Variants in SYT1 observed in about 807,000 individuals in gnomAD.
SYT1 encodes the protein synaptotagmin 1.
Under a neutral mutation model 44.8 loss-of-function variants are expected in SYT1, and 8 were observed. The observed-to-expected ratio is 0.18, with a 90% CI of 0.10 to 0.32. The LOEUF is 0.32. Ranked by LOEUF, SYT1 falls within the 10% of genes least tolerant of loss-of-function variation. The pLI is 1.00. For missense variants in SYT1, 286 were observed against 509.3 expected (o/e 0.56, Z 4.22); for synonymous variants, 154 against 188.8 (o/e 0.82, Z 1.51).
intron 8 of SYT1, among the ~76,000 whole-genome samples, 172 bp downstream of exon 8, chr12:79,299,723 T>G (rs1481175408): frequency 6.8e-6 from 1 of 147,312 alleles, no homozygotes; most frequent in Admixed American, 6.8e-5. Flanking sequence ...AGTGTACAGG[T>G]CTTCTGGGTG....
rs140553890 is a variant in SYT1, at chr12:79,159,230, G to A, written c.-17-58273G>A. 5.1e-3 allele frequency among the ~76,000 whole-genome samples: 771 copies of A among 152,236 alleles called. 7 individuals are homozygous for A. Among genetic ancestry groups the A allele is most frequent in the African/African-American group, 0.017 (711 of 41,550 alleles). On this transcript the variant is annotated intron_variant, in intron 3 of 10. Transcript: ENST00000261205. ...GGATTCTCTCCAAATTATAGAAAACGCAAAATGTAGAAATTAGGTAGGTTT... is the reference window on the plus strand; with the variant it reads ...GGATTCTCTCCAAATTATAGAAAACACAAAATGTAGAAATTAGGTAGGTTT...
intron 3 of SYT1, among the ~76,000 whole-genome samples, chr12:79,120,683 T>C (rs924423952): frequency 2.0e-5 from 3 of 152,040 alleles, no homozygotes; most frequent in Admixed American, 6.5e-5. Flanking sequence ...TATGAAAATG[T>C]ATGTTTATCA....
intron 9 of SYT1, among the ~76,000 whole-genome samples, chr12:79,425,729 G>T (rs1040060922): frequency 2.0e-5 from 3 of 152,094 alleles, no homozygotes; most frequent in Non-Finnish European, 4.4e-5. Flanking sequence ...TAACTCCAAA[G>T]AGTCTAGCAC....
intron 2 of SYT1, among the ~76,000 whole-genome samples, chr12:79,026,702 T>TATATATATATATATATATATATATAAAA (rs34140383): frequency 1.4e-4 from 18 of 125,300 alleles, no homozygotes; most frequent in East Asian, 2.6e-4. Context: ...TATATATATA[T>TATATATATATATATATATATATATAAAA]CACACTTTCA....
At chr12:79,394,037 G>A (rs1004725021) in intron 9 of SYT1, 3 of 152,254 alleles carry the variant, frequency 2.0e-5, no homozygotes, top group African/African-American at 7.2e-5. Context: ...CAGCTGCTAT[G>A]TCAATTTACA....
intron 3 of SYT1, among the ~76,000 whole-genome samples, chr12:79,066,096 GCACA>G (rs1402406789): frequency 1.2e-4 from 18 of 151,766 alleles, no homozygotes; most frequent in Non-Finnish European, 2.9e-5. Flanking sequence ...AAAAAGACAT[GCACA>G]CACAGTCTAC....
At chr12:79,411,141 T>TG (rs1277422465) in intron 9 of SYT1, among the ~76,000 whole-genome samples, 1 of 152,184 alleles carries the variant, frequency 6.6e-6, no homozygotes, top group Non-Finnish European at 1.5e-5. Context: ...AAAGCTGACA[T>TG]GGGGTCTTCA....
intron 9 of SYT1, among the ~76,000 whole-genome samples, chr12:79,408,554 C>G (rs1434734621): frequency 1.3e-5 from 2 of 152,076 alleles, no homozygotes; most frequent in African/African-American, 2.4e-5. Flanking sequence ...AGAAGTCTTC[C>G]TCACAGGCTT....
intron 2 of SYT1, among the ~76,000 whole-genome samples, chr12:78,999,127 G>A (rs535341359): frequency 6.6e-6 from 1 of 152,168 alleles, no homozygotes; most frequent in African/African-American, 2.4e-5. Flanking sequence ...AATTCAAATA[G>A]GAAGCTCTGA....
chr12:79,086,177 C>CCATCAT (rs937670122), intron 3 of SYT1, among the ~76,000 whole-genome samples: 1 of 151,944 alleles, frequency 6.6e-6, no homozygotes, highest in African/African-American at 2.4e-5. Context: ...TTTACCATCA[C>CCATCAT]CATCATCATC....
intron 3 of SYT1, among the ~76,000 whole-genome samples, chr12:79,212,153 C>T (rs561449575): frequency 6.6e-6 from 1 of 152,176 alleles, no homozygotes; most frequent in African/African-American, 2.4e-5. Context: ...AAATGTGGCA[C>T]ATATACACCA....
chr12:79,248,035 T>A (rs1367733118), intron 4 of SYT1, among the ~76,000 whole-genome samples: 1 of 152,214 alleles, frequency 6.6e-6, no homozygotes, highest in Non-Finnish European at 1.5e-5. Flanking sequence ...AGTCAAATTT[T>A]AAAGTTAACT....
At chr12:79,061,769 G>T (rs886618487) in intron 3 of SYT1, among the ~76,000 whole-genome samples, 1 of 152,108 alleles carries the variant, frequency 6.6e-6, no homozygotes, top group South Asian at 2.1e-4. Context: ...ATTTTAATTA[G>T]TAAAGAATTT....
At chr12:78,931,405 GAGGAAGGA>G (rs149496899) in intron 1 of SYT1, among the ~76,000 whole-genome samples, 5,555 of 92,000 alleles carry the variant, frequency 0.06, 444 homozygotes, top group East Asian at 0.33. Flanking sequence ...AGGGAGGAGA[GAGGAAGGA>G]AGGAAGGAAG....
rs77785924 is a variant in SYT1, at chr12:79,192,588, A to G, written c.-17-24915A>G. ...TGTGGAGGGTGGGGAAAGGATGCAA[A>G]GGAGGAAGAGACACTTGTTTTGAAG... On this transcript the variant is annotated intron_variant, in intron 3 of 10. Coordinates refer to ENST00000261205, the MANE Select transcript of SYT1 (RefSeq NM_005639.3). Among the ~76,000 whole-genome samples, 124 of 152,250 alleles carry G rather than the reference A, an allele frequency of 8.1e-4. 1 individual carries two copies. The highest frequency in any genetic ancestry group is 2.8e-3 in the African/African-American group (118 of 41,578).
At chr12:79,217,368 C>A in intron 3 of SYT1, 135 bp from the exon 4 acceptor site, 2 of 663,378 alleles carry the variant, frequency 3.0e-6, no homozygotes, top group Non-Finnish European at 4.6e-6. Flanking sequence ...CAACACAAAG[C>A]AATATGCTAA....
At chr12:78,912,287 T>C (rs566652353) in intron 1 of SYT1, among the ~76,000 whole-genome samples, 1 of 151,878 alleles carries the variant, frequency 6.6e-6, no homozygotes, top group Non-Finnish European at 1.5e-5. Context: ...AGGCACTAGA[T>C]GATAAATAGA....
chr12:79,374,009 C>T (rs1419935753), intron 9 of SYT1, among the ~76,000 whole-genome samples: 1 of 152,206 alleles, frequency 6.6e-6, no homozygotes, highest in Non-Finnish European at 1.5e-5. Context: ...ACTGGGCTCA[C>T]ATAAAGCGCA....
chr12:79,071,930 A>T (rs1271352339), intron 3 of SYT1, among the ~76,000 whole-genome samples: 1 of 152,150 alleles, frequency 6.6e-6, no homozygotes, highest in Non-Finnish European at 1.5e-5. Flanking sequence ...TTTAAGAGGC[A>T]CAATTCAACA....
Sources: allele counts gnomAD v4.1 joint callset (sites outside exome capture counted in the v4.1 genomes callset), GRCh38; gene constraint gnomAD v4.1.1; transcripts MANE v1.5; gene names NCBI Gene and HGNC (gene_info 2026-07-23, HGNC 2026-07-21).